CNKSR2: variants seen among roughly 807,000 people sequenced by gnomAD.
The protein encoded by CNKSR2 is connector enhancer of kinase suppressor of Ras 2.
A neutral mutation model predicts 84.4 loss-of-function variants in CNKSR2; 14 were observed. The observed-to-expected ratio is 0.17, with a 90% CI of 0.11 to 0.26. The LOEUF (loss-of-function observed/expected upper bound fraction) is 0.26. CNKSR2 is among the 10% of genes least tolerant of loss of function. The pLI, the probability that CNKSR2 is intolerant of heterozygous loss-of-function variation, is 1.00. For synonymous variants in CNKSR2, 275 were observed against 277.9 expected (o/e 0.99, Z 0.10); for missense variants, 485 against 771.2 (o/e 0.63, Z 4.40).
chrX:21,540,549 CA>C (rs1363569477), intron 11 of CNKSR2, among the ~76,000 whole-genome samples: 1 of 111,463 alleles, frequency 9.0e-6, no homozygotes, highest in Non-Finnish European at 1.9e-5. Flanking sequence ...AACTAAAGTA[CA>C]AAAAACTACA....
intron 6 of CNKSR2, chrX:21,495,768 AGTGAAGCTCCGTCTC>A: frequency 1.2e-5 from 1 of 85,063 alleles, no homozygotes; most frequent in Non-Finnish European, 2.2e-5. Flanking sequence ...GGGGGACGAA[AGTGAAGCTCCGTCTC>A]AAAAAAAAAA....
intron 13 of CNKSR2, among the ~76,000 whole-genome samples, chrX:21,576,452 A>G (rs1301541687): frequency 9.0e-6 from 1 of 111,600 alleles, no homozygotes; most frequent in Non-Finnish European, 1.9e-5. Context: ...CTCAGCCCCT[A>G]CCTCAAGAAA....
At chrX:21,389,008 A>G (rs1265036944) in intron 1 of CNKSR2, among the ~76,000 whole-genome samples, 5 of 108,346 alleles carry the variant, frequency 4.6e-5, no homozygotes, top group African/African-American at 1.3e-4. Flanking sequence ...TATGATGAGA[A>G]TGGTTCTTTA....
rs1240294498 is a variant in CNKSR2 at position 21,440,697 on chromosome X, A to C, written c.435A>C (p.Ser145=). Residue 145 remains serine, a synonymous_variant, in exon 4 of 22, where the codon TCA becomes TCC. Coordinates refer to ENST00000379510, the MANE Select transcript of CNKSR2 (RefSeq NM_014927.5). ...AATTTTCCTTTTCCCTTTATAGGTC[A>C]CCATTTGCTGCTGTGACAGACTATT... ...AKSLLAWLDR[S]PFAAVTDYSV... The C allele has an allele frequency of 8.6e-7, 1 of 1,168,658 alleles. No homozygotes were observed.
chrX:21,432,509 G>T (rs1017184729), intron 2 of CNKSR2, 103 bp from the exon 3 acceptor site: 3 of 574,162 alleles, frequency 5.2e-6, no homozygotes, highest in South Asian at 2.9e-5. Flanking sequence ...TTTGTAACTC[G>T]AATGCTACCC....
chrX:21,619,620 T>G (rs913385948), intron 20 of CNKSR2, among the ~76,000 whole-genome samples: 2 of 110,536 alleles, frequency 1.8e-5, no homozygotes, highest in Non-Finnish European at 3.8e-5. Context: ...TCGTTATAAT[T>G]TTTTTTTAAT....
At chrX:21,434,663 T>A (rs1178412888) in intron 3 of CNKSR2, among the ~76,000 whole-genome samples, 1 of 111,578 alleles carries the variant, frequency 9.0e-6, no homozygotes, top group Non-Finnish European at 1.9e-5. Flanking sequence ...TTTTCATTTT[T>A]AAACAGCTAT....
intron 1 of CNKSR2, among the ~76,000 whole-genome samples, chrX:21,383,688 T>C (rs78451301): frequency 1.8e-5 from 2 of 111,013 alleles, no homozygotes; most frequent in African/African-American, 6.5e-5. Context: ...TTTTTTTTTT[T>C]GGTGTTTGTT....
At chrX:21,615,259 C>T (rs978040813) in intron 20 of CNKSR2, among the ~76,000 whole-genome samples, 1 of 112,075 alleles carries the variant, frequency 8.9e-6, no homozygotes, top group African/African-American at 3.2e-5. Context: ...AATTTTGGCT[C>T]TATTGAAATG....
chrX:21,432,013 A>T (rs1192365576), intron 2 of CNKSR2, among the ~76,000 whole-genome samples: 1 of 112,146 alleles, frequency 8.9e-6, no homozygotes, highest in Non-Finnish European at 1.9e-5. Flanking sequence ...TACAAAAAGG[A>T]GAAAGTATAT....
chrX:21,521,345 A>G (rs1324577572), intron 9 of CNKSR2, among the ~76,000 whole-genome samples: 1 of 110,904 alleles, frequency 9.0e-6, no homozygotes, highest in Non-Finnish European at 1.9e-5. Context: ...CATGCAAGTA[A>G]TTGTCAAATT....
At chrX:21,440,565 A>AT (rs1042498418) in intron 3 of CNKSR2, 129 bp from the exon 4 acceptor site, 10 of 305,906 alleles carry the variant, frequency 3.3e-5, no homozygotes, top group Non-Finnish European at 5.7e-5. Context: ...AGTCCTGAAT[A>AT]TTTTTATCAG....
chrX:21,645,201 C>A (rs1283940048), intron 20 of CNKSR2: 1 of 111,579 alleles, frequency 9.0e-6, no homozygotes, highest in African/African-American at 3.3e-5. Flanking sequence ...TCAAGTATGA[C>A]ACAGCCATAA....
At chrX:21,376,785 A>G (rs1306037997) in intron 1 of CNKSR2, among the ~76,000 whole-genome samples, 1 of 111,871 alleles carries the variant, frequency 8.9e-6, no homozygotes, top group African/African-American at 3.3e-5. Context: ...TTCATAGACT[A>G]CCTTTCGCAA....
At position 21,374,606 on chromosome X, in the gene CNKSR2, A is replaced by AGCG. The variant is rs2089771525; in HGVS notation, c.-290_-289insGGC. 4.1e-6 allele frequency: 2 copies of AGCG among 492,261 alleles called. No homozygotes were observed. The highest frequency in any genetic ancestry group is 2.8e-5 in the Admixed American group (1 of 35,579). 40.6% of individuals were successfully genotyped at this position (492,261 alleles called of 1,213,427 possible). Reference sequence around the variant, plus strand: ...GCGGAGCGGCGGAGGCAGCAGCAGCAGCAGCAGCAGCAGCAGCAGCAGCAG... The same window carrying AGCG: ...GCGGAGCGGCGGAGGCAGCAGCAGCAGCGGCAGCAGCAGCAGCAGCAGCAGCAG... On this transcript the variant is annotated 5_prime_UTR_variant, in exon 1 of 22. Coordinates refer to ENST00000379510, the MANE Select transcript of CNKSR2 (RefSeq NM_014927.5).
At chrX:21,575,574 A>G (rs1329914869) in intron 13 of CNKSR2, among the ~76,000 whole-genome samples, 1 of 111,591 alleles carries the variant, frequency 9.0e-6, no homozygotes, top group East Asian at 2.8e-4. Context: ...TAACTCATCT[A>G]CCAGAAGACT....
intron 11 of CNKSR2, among the ~76,000 whole-genome samples, chrX:21,537,428 C>T (rs1316147982): frequency 9.0e-6 from 1 of 111,343 alleles, no homozygotes; most frequent in Non-Finnish European, 1.9e-5. Context: ...TTGATTATCT[C>T]TCTAGATGAC....
intron 13 of CNKSR2, among the ~76,000 whole-genome samples, chrX:21,566,372 T>G (rs1397011794): frequency 8.9e-6 from 1 of 112,410 alleles, no homozygotes; most frequent in Non-Finnish European, 1.9e-5. Context: ...AATTTCTGTT[T>G]TATTTTTACC....
At chrX:21,512,337 A>T (rs2091681286) in intron 8 of CNKSR2, among the ~76,000 whole-genome samples, 1 of 111,564 alleles carries the variant, frequency 9.0e-6, no homozygotes, top group Admixed American at 9.6e-5. Context: ...TCTGGGGGTT[A>T]AAACTCAGCA....
Sources: allele counts gnomAD v4.1 joint callset (sites outside exome capture counted in the v4.1 genomes callset), GRCh38; gene constraint gnomAD v4.1.1; transcripts MANE v1.5; gene names NCBI Gene and HGNC (gene_info 2026-07-23, HGNC 2026-07-21).